Variants in NALCN observed in about 807,000 individuals in gnomAD.
The protein encoded by NALCN is sodium leak channel, non-selective.
Under a neutral mutation model 225.3 loss-of-function variants are expected in NALCN, and 111 were observed. That is an observed-to-expected ratio of 0.49 (90% CI 0.42 to 0.58). NALCN has a LOEUF of 0.58. Ranked by LOEUF, NALCN falls within the 20% of genes least tolerant of loss-of-function variation. The pLI, the probability that NALCN is intolerant of heterozygous loss-of-function variation, is 0.00. For missense variants in NALCN, 1,378 were observed against 2,202.4 expected, an observed-to-expected ratio of 0.63 and a Z score of 7.49; for synonymous variants, 764 against 769.0, an observed-to-expected ratio of 0.99 and a Z score of 0.11.
chr13:101,232,538 C>T lies in NALCN; in HGVS notation c.1435-2954G>A, dbSNP rs564258937. Among the ~76,000 whole-genome samples, 18 of 151,764 alleles carry T rather than the reference C, an allele frequency of 1.2e-4. No homozygotes were observed. The East Asian group carries it at 1.4e-3, about 11-fold the overall frequency. On this transcript the variant is annotated intron_variant, in intron 12 of 43. Transcript: ENST00000251127. ...TCGGCTCACTGCAAGCTCCACCTCC[C>T]GGGTTCACACCATTCTCCTGCCTCA...
intron 7 of NALCN, among the ~76,000 whole-genome samples, chr13:101,300,282 A>G (rs931515950): frequency 6.6e-6 from 1 of 150,946 alleles, no homozygotes; most frequent in African/African-American, 2.4e-5. Context: ...TCTCCCTCCG[A>G]TCCTCCTTCC....
chr13:101,284,148 A>C, intron 9 of NALCN, 129 bp from the exon 10 acceptor site: 1 of 680,878 alleles, frequency 1.5e-6, no homozygotes, highest in Non-Finnish European at 2.4e-6. Flanking sequence ...TTTGGAATGA[A>C]GTCATTTCAA....
At chr13:101,376,506 A>G (rs1212193894) in intron 6 of NALCN, among the ~76,000 whole-genome samples, 194 bp downstream of exon 6, 1 of 148,616 alleles carries the variant, frequency 6.7e-6, no homozygotes, top group Non-Finnish European at 1.5e-5. Context: ...ACAGAGCGAG[A>G]CTCCATCTCA....
Position 101,237,206 on chromosome 13 carries a change from A to C in NALCN, c.1434+549T>G, listed in dbSNP as rs140680986. ...TAAAAAAAGATATCCAATTATTACA[A>C]GTTAAATAAGAATTATAAGTGCCAT... On this transcript the variant is annotated intron_variant, in intron 12 of 43. Transcript: ENST00000251127. Among the ~76,000 whole-genome samples the C allele has an allele frequency of 2.4e-3, 362 of 152,106 alleles. 3 individuals are homozygous for C. The highest frequency in any genetic ancestry group is 8.3e-3 in the African/African-American group (346 of 41,566).
chr13:101,237,721 A>G (rs770400359), intron 12 of NALCN, 34 bp downstream of exon 12: 3 of 1,444,736 alleles, frequency 2.1e-6, no homozygotes, highest in Admixed American at 4.8e-5. Context: ...AAATAAATAA[A>G]TTTCTAAAGA....
chr13:101,135,152 G>A (rs1211961637), intron 17 of NALCN, among the ~76,000 whole-genome samples: 1 of 152,210 alleles, frequency 6.6e-6, no homozygotes. Context: ...CCGAGATCGT[G>A]CCGCTGCACC....
At chr13:101,328,342 C>T (rs190264926) in intron 7 of NALCN, among the ~76,000 whole-genome samples, 22 of 152,138 alleles carry the variant, frequency 1.4e-4, no homozygotes, top group Non-Finnish European at 2.2e-4. Context: ...GACAGTATCT[C>T]GTTCTACAGC....
chr13:101,347,131 AC>A (rs2045764405), intron 6 of NALCN, among the ~76,000 whole-genome samples: 1 of 137,262 alleles, frequency 7.3e-6, no homozygotes, highest in South Asian at 2.4e-4. Context: ...ACACACACGT[AC>A]ATAGTTTTAC....
intron 6 of NALCN, among the ~76,000 whole-genome samples, chr13:101,365,463 T>C (rs1203235881): frequency 6.6e-6 from 1 of 152,200 alleles, no homozygotes; most frequent in Non-Finnish European, 1.5e-5. Flanking sequence ...TTCACTTATT[T>C]GCCAAGTACC....
At chr13:101,313,543 A>T (rs1309813448) in intron 7 of NALCN, among the ~76,000 whole-genome samples, 4 of 152,218 alleles carry the variant, frequency 2.6e-5, no homozygotes, top group Non-Finnish European at 4.4e-5. Context: ...AAAAGAAGAC[A>T]TTTATGCAGC....
chr13:101,387,175 T>C (rs968635575), intron 3 of NALCN, among the ~76,000 whole-genome samples: 3 of 138,122 alleles, frequency 2.2e-5, no homozygotes, highest in South Asian at 2.3e-4. Context: ...GAGCCGAGAT[T>C]GCGCCACTGC....
chr13:101,348,307 G>A (rs749211819), intron 6 of NALCN, among the ~76,000 whole-genome samples: 4 of 152,196 alleles, frequency 2.6e-5, no homozygotes, highest in South Asian at 2.1e-4. Context: ...GTGTGAAAAC[G>A]TCTACCTCAT....
chr13:101,136,932 G>T (rs1418808069), intron 17 of NALCN, among the ~76,000 whole-genome samples: 1 of 152,186 alleles, frequency 6.6e-6, no homozygotes, highest in South Asian at 2.1e-4. Context: ...GTGTAAAAGT[G>T]TTCCTATTTC....
chr13:101,331,759 A>C (rs1323084762), intron 7 of NALCN, among the ~76,000 whole-genome samples: 1 of 152,094 alleles, frequency 6.6e-6, no homozygotes, highest in Non-Finnish European at 1.5e-5. Flanking sequence ...ACCTTACCAT[A>C]CTAAATGCCC....
At chr13:101,407,633 T>G (rs1167867023) in intron 1 of NALCN, among the ~76,000 whole-genome samples, 2 of 152,224 alleles carry the variant, frequency 1.3e-5, no homozygotes, top group Non-Finnish European at 2.9e-5. Context: ...GTTTTTAGTA[T>G]TATTCCCACT....
At chr13:101,158,705 C>G (rs533915400) in intron 15 of NALCN, among the ~76,000 whole-genome samples, 2 of 152,178 alleles carry the variant, frequency 1.3e-5, no homozygotes, top group African/African-American at 4.8e-5. Flanking sequence ...AGTAGAGCTA[C>G]GGGTTTCCAA....
chr13:101,063,107 G>A (rs544411470), intron 40 of NALCN, among the ~76,000 whole-genome samples: 1 of 152,296 alleles, frequency 6.6e-6, no homozygotes, highest in South Asian at 2.1e-4. Flanking sequence ...GCAGTGTGAT[G>A]CACCCAGGTG....
rs539410835 is a variant in NALCN, at chr13:101,209,695, G to A, written c.1627-17641C>T. On this transcript the variant is annotated intron_variant, in intron 13 of 43. Coordinates refer to ENST00000251127, the MANE Select transcript of NALCN (RefSeq NM_052867.4). ...GAGTAATACAGGAAAGTTCTCCCTC[G>A]CTCTTCAAGAGAGTGTTGCCTTTCC... 2.0e-5 allele frequency among the ~76,000 whole-genome samples: 3 copies of A among 152,234 alleles called. No homozygotes were observed. The South Asian group carries it at 6.2e-4, about 32-fold the overall frequency.
chr13:101,359,079 C>T (rs180837425), intron 6 of NALCN, among the ~76,000 whole-genome samples: 48 of 152,036 alleles, frequency 3.2e-4, no homozygotes, highest in African/African-American at 1.1e-3. Context: ...CTAATGCATG[C>T]GGGGCTGAAA....
Sources: allele counts gnomAD v4.1 joint callset (sites outside exome capture counted in the v4.1 genomes callset), GRCh38; gene constraint gnomAD v4.1.1; transcripts MANE v1.5; gene names NCBI Gene and HGNC (gene_info 2026-07-23, HGNC 2026-07-21).